The following NID2 variants were observed in gnomAD, a reference collection of about 807,000 sequenced individuals.
NID2 encodes the protein nidogen-2.
In NID2, 83 loss-of-function variants were observed where a neutral mutation model predicts 145.4. That is an observed-to-expected ratio of 0.57 (90% CI 0.48 to 0.69). The LOEUF (loss-of-function observed/expected upper bound fraction) is 0.69, where lower values mean the gene tolerates loss of function less well. Ranked by LOEUF, NID2 falls within the 30% of genes least tolerant of loss-of-function variation. The pLI, the probability that NID2 is intolerant of heterozygous loss-of-function variation, is 0.00. For missense variants in NID2, 1,807 were observed against 1,765.7 expected, an observed-to-expected ratio of 1.02 and a Z score of -0.42; for synonymous variants, 739 against 701.3, an observed-to-expected ratio of 1.05 and a Z score of -0.85.
At chr14:52,047,447 G>A (rs189159967) in intron 5 of NID2, among the ~76,000 whole-genome samples, 2 of 152,190 alleles carry the variant, frequency 1.3e-5, no homozygotes, top group African/African-American at 4.8e-5. Context: ...GGTGGCCTGG[G>A]TCATTCATGC....
chr14:52,054,342 C>A (rs764277286), intron 3 of NID2, 21 bp from the exon 4 acceptor site: 3 of 1,594,444 alleles, frequency 1.9e-6, no homozygotes, highest in Admixed American at 1.7e-5. Flanking sequence ...AGGAAACAGT[C>A]ATTGTAACAA....
At chr14:52,007,516 TAA>T (rs1238562052) in intron 19 of NID2, 6 of 359,820 alleles carry the variant, frequency 1.7e-5, no homozygotes, top group Admixed American at 4.8e-5. Flanking sequence ...TAACTTCACT[TAA>T]GTTTGTCAAT....
chr14:52,067,733 T>C, intron 2 of NID2, 125 bp downstream of exon 2: 2 of 1,162,140 alleles, frequency 1.7e-6, no homozygotes, highest in Non-Finnish European at 2.5e-6. Context: ...CCCTGCTGCC[T>C]CCAAGGTCAG....
chr14:52,027,650 AC>A (rs1259264043), intron 11 of NID2, among the ~76,000 whole-genome samples: 1 of 150,924 alleles, frequency 6.6e-6, no homozygotes, highest in African/African-American at 2.4e-5. Context: ...ACACACACAC[AC>A]ACACACACAC....
intron 13 of NID2, 113 bp from the exon 14 acceptor site, chr14:52,019,407 A>G: frequency 1.3e-6 from 1 of 745,268 alleles, no homozygotes; most frequent in Non-Finnish European, 2.1e-6. Flanking sequence ...TTGGAGCCCG[A>G]GATTCTTATT....
At chr14:52,036,055 G>T (rs1033488463) in intron 9 of NID2, among the ~76,000 whole-genome samples, 1 of 151,740 alleles carries the variant, frequency 6.6e-6, no homozygotes, top group Admixed American at 6.6e-5. Flanking sequence ...TCCGTTTAAA[G>T]TACATAATTA....
intron 20 of NID2, 188 bp downstream of exon 20, chr14:52,006,349 A>G: frequency 1.7e-6 from 1 of 602,546 alleles, no homozygotes; most frequent in Non-Finnish European, 2.9e-6. Flanking sequence ...AAGTAAAAGG[A>G]TGATTTCAAA....
intron 13 of NID2, among the ~76,000 whole-genome samples, 158 bp from the exon 14 acceptor site, chr14:52,019,452 TC>T (rs778044458): frequency 3.3e-5 from 5 of 152,204 alleles, no homozygotes; most frequent in Non-Finnish European, 5.9e-5. Context: ...CTCATTTCTC[TC>T]CAGTTCTTCT....
intron 9 of NID2, among the ~76,000 whole-genome samples, chr14:52,030,007 A>G (rs1265883874): frequency 6.6e-6 from 1 of 152,062 alleles, no homozygotes; most frequent in East Asian, 1.9e-4. Flanking sequence ...GATTCTTGGG[A>G]TGATTCTATG....
Position 52,015,238 on chromosome 14 carries a change from C to T in NID2, c.3066G>A (p.Trp1022Ter). 6.2e-7 allele frequency: 1 copy of T among 1,613,398 alleles called. No homozygotes were observed. The highest frequency in any genetic ancestry group is 8.5e-7 in the Non-Finnish European group (1 of 1,179,398). Residue 1022 changes from tryptophan (W) to a stop codon, truncating the protein, a stop_gained, in exon 15 of 22, where the codon TGG (tryptophan) becomes TGA (stop). Coordinates refer to ENST00000216286, the MANE Select transcript of NID2 (RefSeq NM_007361.4). LOFTEE classifies it high-confidence loss of function. ...TQRPPTICER[W>*]RENLLEHYGG... ...CGTAGTGCTCCAGCAGGTTTTCCCT[C>T]CAGCGCTCACAGATGGTCGGGGGCC...
At chr14:52,009,129 T>A (rs1890911012) in intron 18 of NID2, 1 of 152,222 alleles carries the variant, frequency 6.6e-6, no homozygotes, top group South Asian at 2.1e-4. Context: ...AGGTTTCCCC[T>A]GTTGCGAATT....
In NID2 at chr14:52,005,759, T is replaced by G. The variant is rs1423896383; in HGVS notation, c.4095A>C (p.Ala1365=). 3.1e-6 allele frequency: 5 copies of G among 1,613,634 alleles called. No homozygotes were observed. Among genetic ancestry groups the G allele is most frequent in the Non-Finnish European group, 4.2e-6 (5 of 1,179,646 alleles). ...EQRSHLYGIT[A]VYPYCPTGRK ...TACCTGTTGGGCAGTAGGGGTAGAC[T>G]GCAGTTATCCCGTAGAGGTGAGATC... Residue 1365 remains alanine (A), a synonymous_variant, in exon 21 of 22, where the codon GCA becomes GCC. Transcript: ENST00000216286.
At chr14:52,039,515 T>C (rs564145657) in intron 8 of NID2, among the ~76,000 whole-genome samples, 22 of 152,232 alleles carry the variant, frequency 1.4e-4, no homozygotes, top group Non-Finnish European at 2.8e-4. Flanking sequence ...TCTCACCATC[T>C]GAGTCTAGGA....
At chr14:52,035,710 ACT>A (rs1387290392) in intron 9 of NID2, among the ~76,000 whole-genome samples, 1 of 151,230 alleles carries the variant, frequency 6.6e-6, no homozygotes, top group Non-Finnish European at 1.5e-5. Context: ...ACGGAGTCTC[ACT>A]CTGTTGCACA....
intron 13 of NID2, 136 bp from the exon 14 acceptor site, chr14:52,019,430 G>A (rs1045505270): frequency 4.7e-6 from 3 of 640,102 alleles, no homozygotes; most frequent in Admixed American, 6.0e-5. Context: ...ATAATACCTT[G>A]CCACTATTTA....
At chr14:52,035,878 A>ACATATATATATATATATTTACATT (rs1555364238) in intron 9 of NID2, among the ~76,000 whole-genome samples, 1 of 135,204 alleles carries the variant, frequency 7.4e-6, no homozygotes, top group Non-Finnish European at 1.5e-5. Context: ...ATATATATAT[A>ACATATATATATATATATTTACATT]TGTTTTATTT....
chr14:52,059,105 A>G (rs183510236), intron 3 of NID2, among the ~76,000 whole-genome samples: 51 of 152,332 alleles, frequency 3.3e-4, no homozygotes, highest in East Asian at 3.1e-3. Context: ...TAACTTCCCT[A>G]AGCTCCTCTG....
rs1891166969 is a variant in NID2, at chr14:52,015,038, G to A, written c.3250+16C>T. 4 of 1,601,092 alleles carry A rather than the reference G, an allele frequency of 2.5e-6. No individual in the cohort carries two copies. Among genetic ancestry groups the A allele is most frequent in the Non-Finnish European group, 3.4e-6 (4 of 1,172,330 alleles). On this transcript the variant is annotated intron_variant, in intron 15 of 21. Transcript: ENST00000216286. The stretch of plus-strand genomic sequence containing the variant: ...TTAGATACAGCTGAGGGGAGCGGGG[G>A]CGGCCAGGTGCTTACACGCAGGGGT...
At chr14:52,048,659 G>T (rs573537368) in intron 5 of NID2, among the ~76,000 whole-genome samples, 1 of 152,048 alleles carries the variant, frequency 6.6e-6, no homozygotes, top group Non-Finnish European at 1.5e-5. Flanking sequence ...CAATCTTCTG[G>T]CTCTAAATCC....
Sources: gnomAD v4.1 joint callset for allele counts (sites outside exome capture counted in the v4.1 genomes callset) on GRCh38, gnomAD v4.1.1 for gene constraint, MANE v1.5 for transcripts, NCBI Gene and HGNC (gene_info 2026-07-23, HGNC 2026-07-21) for gene names.